NBEAL1: variants seen among roughly 807,000 people sequenced by gnomAD.
NBEAL1 encodes the protein neurobeachin-like protein 1.
NBEAL1 carries 273 observed loss-of-function variants against 351.3 expected under a neutral mutation model. The observed-to-expected ratio is 0.78, with a 90% CI of 0.70 to 0.86. The LOEUF (loss-of-function observed/expected upper bound fraction) is 0.86, where lower values mean the gene tolerates loss of function less well. Ranked by LOEUF, NBEAL1 falls within the 40% of genes least tolerant of loss-of-function variation. NBEAL1 has a pLI of 0.00. For missense variants in NBEAL1, 2,961 were observed against 3,201.3 expected, an observed-to-expected ratio of 0.92 and a Z score of 1.81; for synonymous variants, 1,050 against 1,086.4, an observed-to-expected ratio of 0.97 and a Z score of 0.66.
chr2:203,103,335 G>A (rs1056644428), intron 12 of NBEAL1, among the ~76,000 whole-genome samples: 2 of 151,586 alleles, frequency 1.3e-5, no homozygotes, highest in Admixed American at 6.6e-5. Context: ...GTCCAGTGGC[G>A]CGATCTCAGC....
Position 203,144,638 on chromosome 2 carries a change from TC to T in NBEAL1, c.4888del (p.Gln1630ArgfsTer4). On this transcript the variant is annotated frameshift_variant, in exon 32 of 56. Transcript: ENST00000683969. LOFTEE classifies it high-confidence loss of function. ...MASAKLNTLL[Q>X]TKVIENQDEA... ...CATCAGCTAAGCTAAATACCCTTCT[TC>T]AGACCAAAGTGATTGAAAATCAGGA... The T allele has an allele frequency of 6.2e-7, 1 of 1,614,068 alleles. No homozygotes were observed.
chr2:203,127,754 A>G (rs564117628), intron 23 of NBEAL1, 27 bp from the exon 24 acceptor site: 21 of 1,427,474 alleles, frequency 1.5e-5, no homozygotes, highest in South Asian at 2.5e-5. Flanking sequence ...TAAAATTTCA[A>G]TTCTTATACT....
chr2:203,138,817 A>G, intron 31 of NBEAL1, 69 bp downstream of exon 31: 2 of 1,407,090 alleles, frequency 1.4e-6, no homozygotes, highest in Non-Finnish European at 1.9e-6. Context: ...GTAACAAGCC[A>G]GTTAAAATGT....
intron 8 of NBEAL1, 83 bp from the exon 9 acceptor site, chr2:203,083,136 C>T: frequency 3.3e-6 from 4 of 1,200,996 alleles, no homozygotes; most frequent in South Asian, 3.2e-5. Flanking sequence ...AGGTTGCCTG[C>T]AGATGTATTA....
intron 35 of NBEAL1, among the ~76,000 whole-genome samples, chr2:203,157,424 G>A (rs969317578): frequency 2.0e-5 from 3 of 151,404 alleles, no homozygotes; most frequent in African/African-American, 4.9e-5. Flanking sequence ...TATAAATAAA[G>A]AGAGTACTTG....
chr2:203,110,911 ACG>A (rs1559373145), intron 15 of NBEAL1, among the ~76,000 whole-genome samples: 1 of 151,286 alleles, frequency 6.6e-6, no homozygotes, highest in Non-Finnish European at 1.5e-5. Flanking sequence ...GACTACAGGC[ACG>A]TGCCACCACA....
chr2:203,084,458 C>T lies in NBEAL1; in HGVS notation c.992-5C>T, dbSNP rs760592526. 4 of 1,410,274 alleles carry T rather than the reference C, an allele frequency of 2.8e-6. No homozygotes were observed. In the East Asian group the frequency reaches 1.1e-4, roughly 38 times the overall value. 87.4% of individuals were successfully genotyped at this position (1,410,274 alleles called of 1,614,324 possible). ...ACATGGATGATTTTCTTTTTATTTT[C>T]CTAGATACCATCACAGCCATGTTAG... On this transcript the variant is annotated splice_polypyrimidine_tract_variant and splice_region_variant and intron_variant, in intron 9 of 55. Coordinates refer to ENST00000683969, the MANE Select transcript of NBEAL1 (RefSeq NM_001378026.1).
chr2:203,142,776 A>G (rs925202577), intron 31 of NBEAL1, among the ~76,000 whole-genome samples: 66 of 152,192 alleles, frequency 4.3e-4, no homozygotes, highest in Admixed American at 4.2e-3. Flanking sequence ...TAGGGATTGT[A>G]TGACTTTTTT....
At chr2:203,147,677 A>G (rs998583368) in intron 33 of NBEAL1, among the ~76,000 whole-genome samples, 1 of 152,088 alleles carries the variant, frequency 6.6e-6, no homozygotes, top group Non-Finnish European at 1.5e-5. Context: ...GCCGGGCTGC[A>G]AAGTATTCCA....
In NBEAL1 at chr2:203,213,651, G is replaced by A; in HGVS notation, c.8068G>A (p.Glu2690Lys). The change falls in exon 55 of 56, where the codon GAG becomes AAG. Residue 2690 changes from glutamate to lysine, a missense_variant and splice_region_variant. Physicochemically the swap from Glu to Lys is moderately conservative, Grantham distance 56. Transcript: ENST00000683969. ...TGTAGTGGGTGTTGGCAAGCCTGCT[G>A]AGGTAAAACCTAGCATCAGTAATTT... ...LIVVGVGKPA[E>K]MRSGQLSRKF... 1 of 1,613,812 alleles carries A rather than the reference G, an allele frequency of 6.2e-7. No homozygotes were observed. The highest frequency in any genetic ancestry group is 8.5e-7 in the Non-Finnish European group (1 of 1,179,904).
At chr2:203,124,632 GTTGT>G (rs2062899611) in intron 19 of NBEAL1, among the ~76,000 whole-genome samples, 2 of 152,068 alleles carry the variant, frequency 1.3e-5, no homozygotes, top group South Asian at 2.1e-4. Context: ...ATGTGAAGAG[GTTGT>G]TTGAAGACTT....
Position 203,217,262 on chromosome 2 carries a change from G to A in NBEAL1, c.8080G>A (p.Gly2694Ser). Residue 2694 changes from glycine to serine, a missense_variant, in exon 56 of 56, where the codon GGT becomes AGT. By Grantham distance (56) the Gly-to-Ser change is moderately conservative. Transcript: ENST00000683969. Reference sequence around the variant, plus strand: ...GGATTACTTTACACAGATGCGTTCAGGTCAGCTTTCTCGAAAATTTTGGGG... The same window carrying A: ...GGATTACTTTACACAGATGCGTTCAAGTCAGCTTTCTCGAAAATTTTGGGG... ...GVGKPAEMRSGQLSRKFWGSS... is the reference protein window; with the variant it reads ...GVGKPAEMRSSQLSRKFWGSS... 1 of 1,593,400 alleles carries A rather than the reference G, an allele frequency of 6.3e-7. No individual in the cohort carries two copies. Among genetic ancestry groups the A allele is most frequent in the African/African-American group, 1.3e-5 (1 of 74,208 alleles).
chr2:203,111,133 A>G (rs1032464829), intron 15 of NBEAL1, among the ~76,000 whole-genome samples: 5 of 152,080 alleles, frequency 3.3e-5, no homozygotes, highest in Admixed American at 1.3e-4. Context: ...TGAAGCCAGG[A>G]GTTCAAGACC....
rs368639433 is a variant in NBEAL1, at chr2:203,144,894, A to G, written c.5143A>G (p.Ile1715Val). Residue 1715 changes from isoleucine to valine, a missense_variant, in exon 32 of 56, where the codon ATT becomes GTT. Ile to Val is a conservative substitution (Grantham distance 29, BLOSUM62 3). Transcript: ENST00000683969. ...YCNSNEWQVY[I>V]EKYIVPYMKQ... is the part of the protein sequence containing the mutation. Reference sequence around the variant, plus strand: ...TAATTCAAATGAATGGCAAGTTTACATTGAAAAATATGTAAGTTTTATCTT... The same window carrying G: ...TAATTCAAATGAATGGCAAGTTTACGTTGAAAAATATGTAAGTTTTATCTT... 3.8e-6 allele frequency: 6 copies of G among 1,584,440 alleles called. No homozygotes were observed. The African/African-American group carries it at 6.8e-5, about 18-fold the overall frequency.
At chr2:203,098,943 G>A (rs1363514181) in intron 11 of NBEAL1, among the ~76,000 whole-genome samples, 1 of 152,062 alleles carries the variant, frequency 6.6e-6, no homozygotes, top group Non-Finnish European at 1.5e-5. Flanking sequence ...TTTAAACCTG[G>A]ATGGTTCAAG....
Position 203,108,254 on chromosome 2 carries a change from C to T in NBEAL1, c.1949+66C>T. 3 of 1,249,686 alleles carry T rather than the reference C, an allele frequency of 2.4e-6. No homozygotes were observed. In the South Asian group the frequency reaches 4.7e-5, roughly 20 times the overall value. 77.4% of individuals were successfully genotyped at this position (1,249,686 alleles called of 1,614,324 possible). On this transcript the variant is annotated intron_variant, in intron 14 of 55. Coordinates refer to ENST00000683969, the MANE Select transcript of NBEAL1 (RefSeq NM_001378026.1). ...AACAATATATGCTGTGATTCTTAAA[C>T]AGGAAAACTGTTTCCAAGCATCTAG...
intron 38 of NBEAL1, among the ~76,000 whole-genome samples, chr2:203,168,704 C>T (rs2064217812): frequency 1.3e-5 from 2 of 151,752 alleles, no homozygotes; most frequent in Non-Finnish European, 2.9e-5. Context: ...GACCAGCCTG[C>T]CCAACATGGT....
At chr2:203,064,576 G>A (rs893494163) in intron 6 of NBEAL1, among the ~76,000 whole-genome samples, 6 of 152,128 alleles carry the variant, frequency 3.9e-5, no homozygotes, top group Non-Finnish European at 8.8e-5. Context: ...TGCATAATCT[G>A]AATCTAATTG....
intron 2 of NBEAL1, chr2:203,040,994 C>T (rs1244157548): frequency 2.0e-5 from 5 of 244,138 alleles, no homozygotes; most frequent in Non-Finnish European, 3.2e-5. Context: ...TTATTCCCTG[C>T]CTTATCTTCA....
Sources: allele counts gnomAD v4.1 joint callset (sites outside exome capture counted in the v4.1 genomes callset), GRCh38; gene constraint gnomAD v4.1.1; transcripts MANE v1.5; gene names NCBI Gene and HGNC (gene_info 2026-07-23, HGNC 2026-07-21).